KIR2DL3: variants seen among roughly 807,000 people sequenced by gnomAD.
The protein encoded by KIR2DL3 is killer cell immunoglobulin like receptor, two Ig domains and long cytoplasmic tail 3, also known as killer cell immunoglobulin-like receptor 2DL3.
A neutral mutation model predicts 33.8 loss-of-function variants in KIR2DL3; 39 were observed. That is an observed-to-expected ratio of 1.15 (90% CI 0.89 to 1.51). The LOEUF (loss-of-function observed/expected upper bound fraction) is 1.51. Ranked by LOEUF, KIR2DL3 falls within the 40% of genes most tolerant of loss-of-function variation. The pLI is 0.00. For synonymous variants in KIR2DL3, 174 were observed against 160.2 expected, an observed-to-expected ratio of 1.09 and a Z score of -0.65; for missense variants, 462 against 426.2, an observed-to-expected ratio of 1.08 and a Z score of -0.74.
chr19:54,744,467 T>G (rs1161371733), intron 4 of KIR2DL3, among the ~76,000 whole-genome samples: 17 of 152,184 alleles, frequency 1.1e-4, no homozygotes, highest in Non-Finnish European at 2.2e-4. Context: ...CTACACCCTT[T>G]ACTTTTGTTT....
intron 4 of KIR2DL3, among the ~76,000 whole-genome samples, chr19:54,744,921 C>CAT (rs1177112432): frequency 0.015 from 378 of 25,228 alleles, 2 homozygotes; most frequent in East Asian, 0.026. Context: ...CATATATAAA[C>CAT]ATATATATAT....
rs540260674 is a variant in KIR2DL3 at position 54,753,005 on chromosome 19, T to C, written c.*486T>C. 5.5e-5 allele frequency: 10 copies of C among 182,054 alleles called. No homozygotes were observed. Among genetic ancestry groups the C allele is most frequent in the South Asian group, 1.1e-4 (1 of 8,940 alleles). The allele number at this position is 182,054 out of a possible 1,614,324, so 11.3% of individuals were successfully genotyped here. A position where few individuals can be genotyped will look rare whatever the true frequency, so the allele number is the denominator to read the frequency against. On this transcript the variant is annotated 3_prime_UTR_variant, in exon 8 of 8. Transcript: ENST00000342376. ...AGTAAAACTTATATATTTTTTAAAA[T>C]AATTTCAATGTAGTTTTCCCTCCTT... is the stretch of plus-strand genomic sequence containing the variant.
chr19:54,740,716 C>T (rs2070893158), intron 2 of KIR2DL3, among the ~76,000 whole-genome samples: 1 of 151,722 alleles, frequency 6.6e-6, no homozygotes, highest in Non-Finnish European at 1.5e-5. Flanking sequence ...AATAATTGTC[C>T]CCAGTGATGA....
At chr19:54,752,051 A>G (rs2073530009) in intron 6 of KIR2DL3, among the ~76,000 whole-genome samples, 165 bp from the exon 7 acceptor site, 1 of 135,682 alleles carries the variant, frequency 7.4e-6, no homozygotes, top group African/African-American at 2.8e-5. Context: ...AGAGCTATTC[A>G]TGGGATGGGT....
chr19:54,739,693 CCT>C, intron 2 of KIR2DL3, 151 bp downstream of exon 2: 2 of 1,290,740 alleles, frequency 1.5e-6, no homozygotes, highest in East Asian at 2.4e-5. Context: ...GCCTCCCTGG[CCT>C]CTCAACCCCT....
intron 1 of KIR2DL3, among the ~76,000 whole-genome samples, chr19:54,739,148 G>C (rs1279372392): frequency 6.6e-6 from 1 of 150,980 alleles, no homozygotes; most frequent in Non-Finnish European, 1.5e-5. Flanking sequence ...CTGGAGAGGT[G>C]ATATGGGCCT....
chr19:54,748,429 T>C (rs1337016129), intron 5 of KIR2DL3, among the ~76,000 whole-genome samples: 2 of 140,190 alleles, frequency 1.4e-5, no homozygotes, highest in African/African-American at 2.6e-5. Context: ...CTATGGAGGC[T>C]AGGACAGGGA....
At chr19:54,740,191 G>A (rs1433787027) in intron 2 of KIR2DL3, among the ~76,000 whole-genome samples, 2 of 152,062 alleles carry the variant, frequency 1.3e-5, no homozygotes, top group Admixed American at 6.5e-5. Flanking sequence ...CGTGGAAAGC[G>A]AGGAGAATCT....
At chr19:54,739,666 C>T (rs1184382390) in intron 2 of KIR2DL3, 124 bp downstream of exon 2, 35 of 1,518,690 alleles carry the variant, frequency 2.3e-5, no homozygotes, top group Admixed American at 3.4e-5. Flanking sequence ...GGGTGCTCAG[C>T]CCACATTTCT....
At chr19:54,739,097 G>A (rs2070444020) in intron 1 of KIR2DL3, among the ~76,000 whole-genome samples, 1 of 151,200 alleles carries the variant, frequency 6.6e-6, no homozygotes, top group South Asian at 2.1e-4. Flanking sequence ...GGAGATATGG[G>A]CCTAGGAAGG....
Position 54,742,031 on chromosome 19 carries a change from C to T in KIR2DL3, c.122C>T (p.Ser41Leu), listed in dbSNP as rs2071231391. Residue 41 changes from serine to leucine, a missense_variant, in exon 3 of 8, where the codon TCA (serine) becomes TTA (leucine). Coordinates refer to ENST00000342376, the MANE Select transcript of KIR2DL3 (RefSeq NM_015868.3). Reference sequence around the variant, plus strand: ...GCCCACCCAGGTCCCCTGGTGAAATCAGAAGAGACAGTCATCCTGCAATGT... The same window carrying T: ...GCCCACCCAGGTCCCCTGGTGAAATTAGAAGAGACAGTCATCCTGCAATGT... Reference protein sequence around the residue: ...LLAHPGPLVKSEETVILQCWS... With the variant: ...LLAHPGPLVKLEETVILQCWS... 3.7e-6 allele frequency: 6 copies of T among 1,612,354 alleles called. No individual in the cohort carries two copies. Among genetic ancestry groups the T allele is most frequent in the Non-Finnish European group, 3.4e-6 (4 of 1,179,034 alleles).
At chr19:54,741,729 A>C (rs1335883602) in intron 2 of KIR2DL3, among the ~76,000 whole-genome samples, 2 of 151,330 alleles carry the variant, frequency 1.3e-5, no homozygotes, top group Admixed American at 1.3e-4. Flanking sequence ...AAATAGATAC[A>C]ACACCCCAAG....
intron 3 of KIR2DL3, among the ~76,000 whole-genome samples, chr19:54,742,554 T>A (rs1480851748): frequency 1.3e-5 from 2 of 151,686 alleles, no homozygotes; most frequent in African/African-American, 4.9e-5. Context: ...GAGAGAGGTG[T>A]CCCTCCATGC....
At chr19:54,751,886 TAG>T in intron 6 of KIR2DL3, 133 bp downstream of exon 6, 1 of 812,198 alleles carries the variant, frequency 1.2e-6, no homozygotes. Context: ...GAGGACTTTC[TAG>T]AGAGAGCACC....
chr19:54,742,987 G>A (rs1377990451), intron 3 of KIR2DL3, among the ~76,000 whole-genome samples: 1 of 152,010 alleles, frequency 6.6e-6, no homozygotes, highest in Admixed American at 6.6e-5. Flanking sequence ...AGAGAAAAGA[G>A]GGCAGAGGAG....
chr19:54,741,829 C>A (rs1194299945), intron 2 of KIR2DL3, 151 bp from the exon 3 acceptor site: 2 of 1,155,798 alleles, frequency 1.7e-6, no homozygotes, highest in South Asian at 1.5e-5. Context: ...GAAGGACCTG[C>A]ACCAGGAGTT....
chr19:54,748,052 G>C (rs1325609514), intron 5 of KIR2DL3, among the ~76,000 whole-genome samples: 1 of 151,640 alleles, frequency 6.6e-6, no homozygotes, highest in East Asian at 1.9e-4. Context: ...TGACAGCAAG[G>C]CTGCCTTCCC....
At chr19:54,746,799 G>T (rs1434930524) in intron 4 of KIR2DL3, among the ~76,000 whole-genome samples, 2 of 149,612 alleles carry the variant, frequency 1.3e-5, no homozygotes, top group African/African-American at 4.9e-5. Context: ...TCTGGCCGAC[G>T]TGATGAAACA....
At position 54,741,417 on chromosome 19, in the gene KIR2DL3, A is replaced by G. The variant is rs1324668919; in HGVS notation, c.71-563A>G. 5.5e-4 allele frequency among the ~76,000 whole-genome samples: 83 copies of G among 152,056 alleles called. 1 individual carries two copies. The highest frequency in any genetic ancestry group is 6.2e-4 in the Non-Finnish European group (42 of 68,018). On this transcript the variant is annotated intron_variant, in intron 2 of 7. Transcript: ENST00000342376. ...TGAGATCAGCAAGGGTGGGATGATG[A>G]TGCCACCACCAGGCTCCATCCACAT... is the stretch of plus-strand genomic sequence containing the variant.
Sources: allele counts gnomAD v4.1 joint callset (sites outside exome capture counted in the v4.1 genomes callset), GRCh38; gene constraint gnomAD v4.1.1; transcripts MANE v1.5; gene names NCBI Gene and HGNC (gene_info 2026-07-23, HGNC 2026-07-21).